THUMPD3: variants seen among roughly 807,000 people sequenced by gnomAD.
THUMPD3 encodes the protein THUMP domain 3 tRNA guanosine methyltransferase.
Under a neutral mutation model 54.5 loss-of-function variants are expected in THUMPD3, and 44 were observed. That is an observed-to-expected ratio of 0.81 (90% CI 0.63 to 1.04). The LOEUF is 1.04. THUMPD3 is among the 50% of genes least tolerant of loss of function. The pLI is 0.00. For synonymous variants in THUMPD3, 196 were observed against 201.4 expected (o/e 0.97, Z 0.23); for missense variants, 604 against 601.3 (o/e 1.00, Z -0.05).
At chr3:9,382,254 A>C (rs2032983283) in intron 7 of THUMPD3, among the ~76,000 whole-genome samples, 1 of 152,180 alleles carries the variant, frequency 6.6e-6, no homozygotes, top group Admixed American at 6.5e-5. Context: ...AATGTCAATT[A>C]AATCCTTAAT....
intron 1 of THUMPD3, chr3:9,363,899 TC>T (rs1253038725): frequency 2.1e-5 from 3 of 143,162 alleles, no homozygotes; most frequent in East Asian, 4.3e-4. Context: ...GTAGCTGGAC[TC>T]CAGGCGCCCA....
At position 9,386,699 on chromosome 3, in the gene THUMPD3, T is replaced by C. The variant is rs1165020416; in HGVS notation, c.*2011T>C. ...TATATGTGACACTGCCACCTATTCA[T>C]TGTGTGACCTTGGTTTTAACCTTCA... On this transcript the variant is annotated 3_prime_UTR_variant, in exon 10 of 10. Transcript: ENST00000452837. The C allele has an allele frequency of 1.3e-5, 2 of 152,110 alleles. No homozygotes were observed. The highest frequency in any genetic ancestry group is 2.9e-5 in the Non-Finnish European group (2 of 68,014). 9.4% of individuals were successfully genotyped at this position (152,110 alleles called of 1,614,324 possible).
Position 9,386,349 on chromosome 3 carries a change from C to CT in THUMPD3, c.*1662dup, listed in dbSNP as rs1331104154. 6.6e-6 allele frequency: 1 copy of CT among 152,006 alleles called. No homozygotes were observed. Among genetic ancestry groups the CT allele is most frequent in the Non-Finnish European group, 1.5e-5 (1 of 67,956 alleles). 9.4% of individuals were successfully genotyped at this position (152,006 alleles called of 1,614,324 possible). ...GAACCAGGAAGTTCAAGGACCATGTCTGTTTTCACCACGATGTCTTTCCCC... is the reference window on the plus strand; with the variant it reads ...GAACCAGGAAGTTCAAGGACCATGTCTTGTTTTCACCACGATGTCTTTCCCC... On this transcript the variant is annotated 3_prime_UTR_variant, in exon 10 of 10. Transcript: ENST00000452837.
rs1358367173 is a variant in THUMPD3 at position 9,378,568 on chromosome 3, TAGTA to T, written c.1008+681_1008+684del. On this transcript the variant is annotated intron_variant, in intron 6 of 9. Coordinates refer to ENST00000452837, the MANE Select transcript of THUMPD3 (RefSeq NM_001114092.2). ...TGTGAAACATAGTAGTTCTTCCATATAGTATACTGACAGCCAATTTGAATAAACT... is the reference window on the plus strand; with the variant it reads ...TGTGAAACATAGTAGTTCTTCCATATTACTGACAGCCAATTTGAATAAACT... 7.2e-5 allele frequency among the ~76,000 whole-genome samples: 11 copies of T among 152,358 alleles called. No individual in the cohort carries two copies. The East Asian group carries it at 2.1e-3, about 29-fold the overall frequency.
Position 9,377,905 on chromosome 3 carries a change from A to G in THUMPD3, c.1008+17A>G. 1 of 1,596,102 alleles carries G rather than the reference A, an allele frequency of 6.3e-7. No individual in the cohort carries two copies. The highest frequency in any genetic ancestry group is 2.2e-5 in the East Asian group (1 of 44,784). The stretch of plus-strand genomic sequence containing the variant: ...CCAATAGAGGTAATCATATTTCTTT[A>G]GCTTTTAGATAAGAGTGATACATCC... On this transcript the variant is annotated intron_variant, in intron 6 of 9. Transcript: ENST00000452837.
chr3:9,374,683 A>C, intron 5 of THUMPD3, 37 bp downstream of exon 5: 1 of 1,609,622 alleles, frequency 6.2e-7, no homozygotes, highest in Non-Finnish European at 8.5e-7. Flanking sequence ...TTAAAGTGGC[A>C]CCTTGGTTTG....
At chr3:9,373,433 C>G (rs2032218795) in intron 4 of THUMPD3, among the ~76,000 whole-genome samples, 1 of 151,952 alleles carries the variant, frequency 6.6e-6, no homozygotes. Flanking sequence ...AAGTCCAGGC[C>G]ACAGTGATCT....
chr3:9,370,586 A>G (rs887672922), intron 3 of THUMPD3, among the ~76,000 whole-genome samples: 5 of 152,212 alleles, frequency 3.3e-5, no homozygotes, highest in African/African-American at 7.2e-5. Context: ...CTGGGACTAC[A>G]GGCACGTGCC....
chr3:9,377,760 C>A, intron 5 of THUMPD3, 59 bp from the exon 6 acceptor site: 1 of 1,312,868 alleles, frequency 7.6e-7, no homozygotes, highest in Non-Finnish European at 1.1e-6. Context: ...CAGGAATCAT[C>A]AGTATAGAAG....
At chr3:9,370,292 A>G (rs2031926076) in intron 3 of THUMPD3, among the ~76,000 whole-genome samples, 1 of 151,960 alleles carries the variant, frequency 6.6e-6, no homozygotes, top group African/African-American at 2.4e-5. Context: ...TAGGCACATT[A>G]TTTGTCCTTT....
chr3:9,385,288 C>G lies in THUMPD3; in HGVS notation c.*600C>G, dbSNP rs1475082109. 4 of 152,302 alleles carry G rather than the reference C, an allele frequency of 2.6e-5. No homozygotes were observed. Among genetic ancestry groups the G allele is most frequent in the Non-Finnish European group, 5.9e-5 (4 of 68,150 alleles). The allele number at this position is 152,302 out of a possible 1,614,324, so 9.4% of individuals were successfully genotyped here. On this transcript the variant is annotated 3_prime_UTR_variant, in exon 10 of 10. Coordinates refer to ENST00000452837, the MANE Select transcript of THUMPD3 (RefSeq NM_001114092.2). The stretch of plus-strand genomic sequence containing the variant: ...ATTGGGGTTTAGAACATTTTATTTT[C>G]AGGCTTTATGGCCTATTTTCCATTG...
Position 9,383,319 on chromosome 3 carries a change from A to C in THUMPD3, c.1235+10A>C. ...TGCCATTTGGAAAAAGGTGAGAAAT[A>C]CTAGTACCTGCTTGTCTTCTAAATA... On this transcript the variant is annotated intron_variant, in intron 8 of 9. Coordinates refer to ENST00000452837, the MANE Select transcript of THUMPD3 (RefSeq NM_001114092.2). 6.4e-7 allele frequency: 1 copy of C among 1,551,558 alleles called. No homozygotes were observed. The highest frequency in any genetic ancestry group is 8.9e-7 in the Non-Finnish European group (1 of 1,123,212).
intron 7 of THUMPD3, chr3:9,382,768 C>T (rs1461360574): frequency 6.5e-6 from 1 of 152,770 alleles, no homozygotes; most frequent in African/African-American, 2.4e-5. Context: ...GCTCTGTCAC[C>T]CAGGCTGGAG....
chr3:9,366,720 T>C (rs1347846686), intron 2 of THUMPD3, among the ~76,000 whole-genome samples, 188 bp from the exon 3 acceptor site: 1 of 152,200 alleles, frequency 6.6e-6, no homozygotes, highest in Non-Finnish European at 1.5e-5. Flanking sequence ...TTTTTCCCTT[T>C]CTCTAGGGGA....
intron 6 of THUMPD3, among the ~76,000 whole-genome samples, chr3:9,379,547 C>G (rs894837697): frequency 6.6e-6 from 1 of 152,118 alleles, no homozygotes; most frequent in African/African-American, 2.4e-5. Flanking sequence ...TTGTTCAGGC[C>G]TAGGGTCACG....
At chr3:9,363,865 A>G (rs1250956483) in intron 1 of THUMPD3, 1 of 130,612 alleles carries the variant, frequency 7.7e-6, no homozygotes, top group Non-Finnish European at 1.5e-5. Context: ...GCTGGAGTGC[A>G]GTCCTCCCAC....
At chr3:9,373,425 G>T (rs946068371) in intron 4 of THUMPD3, among the ~76,000 whole-genome samples, 1 of 152,098 alleles carries the variant, frequency 6.6e-6, no homozygotes, top group East Asian at 1.9e-4. Flanking sequence ...AGCCCAGGAA[G>T]TCCAGGCCAC....
chr3:9,371,660 T>C, intron 4 of THUMPD3, 124 bp downstream of exon 4: 1 of 854,906 alleles, frequency 1.2e-6, no homozygotes, highest in Admixed American at 2.4e-5. Context: ...AAGAAGAGCA[T>C]AGGCTATGGA....
At chr3:9,378,629 T>C (rs1001650188) in intron 6 of THUMPD3, among the ~76,000 whole-genome samples, 2 of 152,244 alleles carry the variant, frequency 1.3e-5, no homozygotes, top group African/African-American at 4.8e-5. Flanking sequence ...TATGATTGGG[T>C]AGAAACTGGA....
Sources: allele counts gnomAD v4.1 joint callset (sites outside exome capture counted in the v4.1 genomes callset), GRCh38; gene constraint gnomAD v4.1.1; transcripts MANE v1.5; gene names NCBI Gene and HGNC (gene_info 2026-07-23, HGNC 2026-07-21).